Variants in FAAH2 observed in about 807,000 individuals in gnomAD.
FAAH2 encodes the protein fatty-acid amide hydrolase 2.
FAAH2 carries 60 observed loss-of-function variants against 36.9 expected under a neutral mutation model. The observed-to-expected ratio is 1.63, with a 90% CI of 1.32 to 2.02. The LOEUF is 2.02. FAAH2 is among the 30% of genes most tolerant of loss of function. The probability of loss-of-function intolerance (pLI) is 0.00; values close to 1 mark genes in which losing one functional copy is unlikely to be tolerated. For synonymous variants in FAAH2, 214 were observed against 143.8 expected (o/e 1.49, Z -3.49); for missense variants, 689 against 397.5 (o/e 1.73, Z -6.23).
intron 7 of FAAH2, among the ~76,000 whole-genome samples, chrX:57,396,381 T>G (rs898496542): frequency 3.7e-5 from 4 of 109,469 alleles, no homozygotes; most frequent in East Asian, 2.8e-4. Flanking sequence ...TAGTGTTTTT[T>G]TTTTTTTTTT....
chrX:57,349,517 A>T (rs1298437107), intron 5 of FAAH2, among the ~76,000 whole-genome samples: 6 of 103,192 alleles, frequency 5.8e-5, no homozygotes, highest in Non-Finnish European at 1.2e-4. Context: ...ACACATATAT[A>T]ATGTTTTATA....
chrX:57,395,403 G>A (rs1382681284), intron 7 of FAAH2: 7 of 711,597 alleles, frequency 9.8e-6, no homozygotes, highest in Non-Finnish European at 1.5e-5. Context: ...ATTTCTGCTG[G>A]TGCCATGGCC....
chrX:57,335,390 A>G (rs2053520309), intron 4 of FAAH2, among the ~76,000 whole-genome samples: 1 of 112,352 alleles, frequency 8.9e-6, no homozygotes, highest in African/African-American at 3.2e-5. Context: ...ATAATAGTGG[A>G]GAGAAGGTCA....
chrX:57,280,850 C>G, the FAAH2 span, among the ~76,000 whole-genome samples: 1 of 112,081 alleles, frequency 8.9e-6, no homozygotes, highest in Non-Finnish European at 1.9e-5. Flanking sequence ...AAAGGTTAAA[C>G]AAACCATGGC....
chrX:57,223,949 C>T, the FAAH2 span, among the ~76,000 whole-genome samples: 1 of 111,598 alleles, frequency 9.0e-6, no homozygotes, highest in Non-Finnish European at 1.9e-5. Context: ...TTACGTCTGT[C>T]CTTAAAGCCC....
chrX:57,423,674 G>A (rs1020262233), intron 7 of FAAH2, among the ~76,000 whole-genome samples: 6 of 110,995 alleles, frequency 5.4e-5, no homozygotes, highest in Admixed American at 2.9e-4. Flanking sequence ...CCCCAGTGGT[G>A]TTAGAATTGC....
chrX:57,415,496 C>T (rs1189516768), intron 7 of FAAH2, among the ~76,000 whole-genome samples: 1 of 112,092 alleles, frequency 8.9e-6, no homozygotes, highest in East Asian at 2.8e-4. Flanking sequence ...AGTAGTCACT[C>T]ATGAGCAGGT....
At chrX:57,475,590 C>T (rs889423279) in intron 10 of FAAH2, among the ~76,000 whole-genome samples, 1 of 111,855 alleles carries the variant, frequency 8.9e-6, no homozygotes, top group East Asian at 2.8e-4. Flanking sequence ...GTTTTGGTTA[C>T]TGTACCCTTG....
chrX:57,437,677 A>AAT (rs1417441511), intron 8 of FAAH2, among the ~76,000 whole-genome samples: 1 of 103,700 alleles, frequency 9.6e-6, no homozygotes, highest in Non-Finnish European at 2.0e-5. Flanking sequence ...AATAAGATGA[A>AAT]ATATATATAA....
intron 7 of FAAH2, among the ~76,000 whole-genome samples, chrX:57,428,194 G>GA (rs2056208362): frequency 8.9e-6 from 1 of 111,806 alleles, no homozygotes; most frequent in Non-Finnish European, 1.9e-5. Flanking sequence ...CCAAGGAAGT[G>GA]AAAAATACCT....
At chrX:57,207,486 G>A in the FAAH2 span, among the ~76,000 whole-genome samples, 1 of 111,673 alleles carries the variant, frequency 9.0e-6, no homozygotes, top group Non-Finnish European at 1.9e-5. Flanking sequence ...CAGGTAGGAC[G>A]TTTATCAGTA....
At chrX:57,389,577 A>C (rs1048396407) in intron 7 of FAAH2, among the ~76,000 whole-genome samples, 5 of 110,162 alleles carry the variant, frequency 4.5e-5, no homozygotes, top group African/African-American at 1.6e-4. Flanking sequence ...AGGCTGAATA[A>C]TATTCCAGTG....
chrX:57,341,792 C>T (rs1285732195), intron 5 of FAAH2, among the ~76,000 whole-genome samples: 1 of 111,272 alleles, frequency 9.0e-6, no homozygotes, highest in Non-Finnish European at 1.9e-5. Flanking sequence ...AATGACTTAT[C>T]AGTTAAATTT....
chrX:57,446,846 T>C, intron 8 of FAAH2, 82 bp from the exon 9 acceptor site: 1 of 570,987 alleles, frequency 1.8e-6, no homozygotes, highest in Non-Finnish European at 2.8e-6. Context: ...TGATTATTCA[T>C]ATATAAGTCT....
the FAAH2 span, among the ~76,000 whole-genome samples, chrX:57,248,667 C>T: frequency 1.0e-5 from 1 of 99,981 alleles, no homozygotes; most frequent in African/African-American, 3.8e-5. Context: ...GTAGGAGAAT[C>T]GCTTGAACCC....
intron 5 of FAAH2, among the ~76,000 whole-genome samples, chrX:57,347,143 A>T (rs1392290868): frequency 9.0e-6 from 1 of 111,131 alleles, no homozygotes; most frequent in Non-Finnish European, 1.9e-5. Flanking sequence ...TATGGACTAT[A>T]TTTTCAAATA....
At chrX:57,355,253 CTTCT>C (rs768060667) in intron 5 of FAAH2, among the ~76,000 whole-genome samples, 1 of 110,489 alleles carries the variant, frequency 9.1e-6, no homozygotes, top group African/African-American at 3.3e-5. Flanking sequence ...TTAAAATTGG[CTTCT>C]TTGTCTTTTT....
intron 7 of FAAH2, among the ~76,000 whole-genome samples, chrX:57,424,653 A>G (rs1399434025): frequency 8.9e-6 from 1 of 112,188 alleles, no homozygotes; most frequent in Non-Finnish European, 1.9e-5. Flanking sequence ...AGTGCTTACC[A>G]CTAAAAACAC....
At chrX:57,341,979 G>A (rs1490927439) in intron 5 of FAAH2, among the ~76,000 whole-genome samples, 1 of 111,368 alleles carries the variant, frequency 9.0e-6, no homozygotes, top group Non-Finnish European at 1.9e-5. Flanking sequence ...CTGCATTCAA[G>A]GAACTTAAAA....
Sources: allele counts gnomAD v4.1 joint callset (sites outside exome capture counted in the v4.1 genomes callset), GRCh38; gene constraint gnomAD v4.1.1; transcripts MANE v1.5; gene names NCBI Gene and HGNC (gene_info 2026-07-23, HGNC 2026-07-21).